BMPR1A: variants seen among roughly 807,000 people sequenced by gnomAD.
The protein encoded by BMPR1A is bone morphogenetic protein receptor type-1A.
Under a neutral mutation model 66.0 loss-of-function variants are expected in BMPR1A, and 7 were observed. The observed-to-expected ratio is 0.11, with a 90% CI of 0.06 to 0.20. The LOEUF (loss-of-function observed/expected upper bound fraction) is 0.20. BMPR1A is among the 10% of genes least tolerant of loss of function. The pLI, the probability that BMPR1A is intolerant of heterozygous loss-of-function variation, is 1.00. For synonymous variants in BMPR1A, 200 were observed against 229.7 expected (o/e 0.87, Z 1.17); for missense variants, 408 against 669.1 (o/e 0.61, Z 4.31).
intron 2 of BMPR1A, among the ~76,000 whole-genome samples, chr10:86,867,597 T>TTTG (rs766283900): frequency 5.3e-5 from 8 of 152,210 alleles, no homozygotes; most frequent in South Asian, 2.1e-4. Flanking sequence ...TTGTGAGACT[T>TTTG]TTGTTGTTGT....
At chr10:86,865,267 C>T (rs1385702464) in intron 2 of BMPR1A, among the ~76,000 whole-genome samples, 1 of 152,146 alleles carries the variant, frequency 6.6e-6, no homozygotes, top group African/African-American at 2.4e-5. Context: ...CCAGTCCTTG[C>T]CTTAACTGAT....
At chr10:86,817,117 T>A (rs1458741441) in intron 1 of BMPR1A, among the ~76,000 whole-genome samples, 1 of 152,230 alleles carries the variant, frequency 6.6e-6, no homozygotes, top group East Asian at 1.9e-4. Flanking sequence ...TAACCATTTT[T>A]AAGTATATAG....
intron 2 of BMPR1A, among the ~76,000 whole-genome samples, chr10:86,875,630 C>T (rs960965673): frequency 6.6e-6 from 1 of 151,106 alleles, no homozygotes; most frequent in Non-Finnish European, 1.5e-5. Context: ...GTTTAATATA[C>T]TTCCCTTGTT....
intron 1 of BMPR1A, among the ~76,000 whole-genome samples, chr10:86,836,151 G>A (rs535924093): frequency 3.4e-4 from 52 of 152,326 alleles, no homozygotes; most frequent in African/African-American, 1.2e-3. Context: ...TGAACCACAA[G>A]TTCATAGTGT....
chr10:86,819,070 A>G (rs908562624), intron 1 of BMPR1A, among the ~76,000 whole-genome samples: 2 of 152,190 alleles, frequency 1.3e-5, no homozygotes, highest in African/African-American at 4.8e-5. Context: ...CCAGCCACGT[A>G]TTAAACAGTA....
At chr10:86,904,274 G>A (rs191176812) in intron 7 of BMPR1A, among the ~76,000 whole-genome samples, 47 of 152,238 alleles carry the variant, frequency 3.1e-4, no homozygotes, top group African/African-American at 1.0e-3. Context: ...TAAGAAACAT[G>A]AAGAAAACTA....
intron 1 of BMPR1A, among the ~76,000 whole-genome samples, chr10:86,783,748 C>T (rs990491485): frequency 2.6e-5 from 4 of 152,194 alleles, no homozygotes; most frequent in Non-Finnish European, 5.9e-5. Flanking sequence ...ATCACCATGA[C>T]CAGCTAACTT....
chr10:86,907,067 G>A lies in BMPR1A; in HGVS notation c.531-5173G>A, dbSNP rs74153425. On this transcript the variant is annotated intron_variant, in intron 7 of 12. Transcript: ENST00000372037. ...ATTTTTCTGCTGAGACTCTCCATCT[G>A]TGTATTCTGTTACCACCTTCACCAG... Among the ~76,000 whole-genome samples, 612 of 152,098 alleles carry A rather than the reference G, an allele frequency of 4.0e-3. 7 individuals carry two copies. Among genetic ancestry groups the A allele is most frequent in the African/African-American group, 0.014 (583 of 41,482 alleles).
intron 2 of BMPR1A, among the ~76,000 whole-genome samples, chr10:86,848,362 G>GAGCT (rs1842515139): frequency 6.6e-6 from 1 of 152,164 alleles, no homozygotes; most frequent in Non-Finnish European, 1.5e-5. Context: ...CTGGCCTATA[G>GAGCT]AGCTCTAAGT....
chr10:86,851,468 C>T (rs534799349), intron 2 of BMPR1A, among the ~76,000 whole-genome samples: 27 of 152,132 alleles, frequency 1.8e-4, no homozygotes, highest in African/African-American at 5.1e-4. Context: ...TTTTATTTAC[C>T]GTTGGATAGT....
chr10:86,835,785 C>T (rs1842338176), intron 1 of BMPR1A, among the ~76,000 whole-genome samples: 1 of 151,844 alleles, frequency 6.6e-6, no homozygotes, highest in Admixed American at 6.6e-5. Flanking sequence ...AAGATTTAAC[C>T]ATTTTAATAA....
intron 2 of BMPR1A, among the ~76,000 whole-genome samples, chr10:86,867,150 G>T (rs1220662977): frequency 6.6e-6 from 1 of 152,136 alleles, no homozygotes; most frequent in Non-Finnish European, 1.5e-5. Context: ...TACCAGTAAA[G>T]GTTGAGCATC....
intron 1 of BMPR1A, among the ~76,000 whole-genome samples, chr10:86,767,531 A>C (rs1229248948): frequency 6.6e-6 from 1 of 152,098 alleles, no homozygotes; most frequent in East Asian, 1.9e-4. Context: ...TTTAAAAATC[A>C]ATGAGATGTG....
intron 5 of BMPR1A, among the ~76,000 whole-genome samples, chr10:86,899,225 C>G (rs998365491): frequency 6.6e-6 from 1 of 152,252 alleles, no homozygotes; most frequent in Non-Finnish European, 1.5e-5. Context: ...CTGTGTCCTT[C>G]TCTGTGCTAG....
intron 1 of BMPR1A, among the ~76,000 whole-genome samples, chr10:86,809,544 T>G (rs1405193689): frequency 6.6e-6 from 1 of 151,518 alleles, no homozygotes; most frequent in African/African-American, 2.4e-5. Context: ...TCCTCCTGCC[T>G]CAGTCTTCCA....
chr10:86,912,464 G>A, intron 8 of BMPR1A, 80 bp downstream of exon 8: 1 of 1,544,570 alleles, frequency 6.5e-7, no homozygotes, highest in South Asian at 1.1e-5. Context: ...TATAATTATT[G>A]CAGATCAGGG....
At chr10:86,865,217 C>G (rs1842768422) in intron 2 of BMPR1A, among the ~76,000 whole-genome samples, 1 of 152,156 alleles carries the variant, frequency 6.6e-6, no homozygotes, top group South Asian at 2.1e-4. Context: ...CGGTCCATGC[C>G]TTAACTGATG....
chr10:86,802,680 A>T (rs1414634706), intron 1 of BMPR1A, among the ~76,000 whole-genome samples: 3 of 152,130 alleles, frequency 2.0e-5, no homozygotes, highest in African/African-American at 7.2e-5. Flanking sequence ...TTAACCTCGA[A>T]TGTTAGCTTT....
chr10:86,886,877 GC>G (rs2133378864), intron 3 of BMPR1A, among the ~76,000 whole-genome samples: 1 of 142,672 alleles, frequency 7.0e-6, no homozygotes, highest in East Asian at 2.1e-4. Flanking sequence ...TGTCGCCCAG[GC>G]TGAAGTGCAA....
Sources: allele counts gnomAD v4.1 joint callset (sites outside exome capture counted in the v4.1 genomes callset), GRCh38; gene constraint gnomAD v4.1.1; transcripts MANE v1.5; gene names NCBI Gene and HGNC (gene_info 2026-07-23, HGNC 2026-07-21).